Variants in KCNJ6 observed in about 807,000 individuals in gnomAD.
The protein encoded by KCNJ6 is potassium inwardly rectifying channel subfamily J member 6.
In KCNJ6, 9 loss-of-function variants were observed where a neutral mutation model predicts 34.2. That is an observed-to-expected ratio of 0.26 (90% CI 0.16 to 0.46). The LOEUF (loss-of-function observed/expected upper bound fraction) is 0.46, where lower values mean the gene tolerates loss of function less well. Among genes scored for constraint, KCNJ6 ranks in the 20% least tolerant of loss-of-function variants. KCNJ6 has a pLI of 1.00. For synonymous variants in KCNJ6, 196 were observed against 207.1 expected (o/e 0.95, Z 0.46); for missense variants, 236 against 531.3 (o/e 0.44, Z 5.46).
In KCNJ6 at chr21:37,714,812, T is replaced by C. The variant is rs773044664; in HGVS notation, c.345A>G (p.Ala115=). 17 of 1,614,052 alleles carry C rather than the reference T, an allele frequency of 1.1e-5. No individual in the cohort carries two copies. In the East Asian group the frequency reaches 1.6e-4, roughly 15 times the overall value. ...TGTGGTCCATGTCTCCCCGTATGTA[T>C]GCGATCAACCACCAGATCATTCCAA... ...LFFGMIWWLI[A]YIRGDMDHIE... The change falls in exon 3 of 4, where the codon GCA becomes GCG. Residue 115 remains alanine (A), a synonymous_variant. Coordinates refer to ENST00000609713, the MANE Select transcript of KCNJ6 (RefSeq NM_002240.5). This position sits in a 1 kb window ranked among gnomAD's most constrained non-coding sequence, Gnocchi z 5.9.
rs181658946 is a variant in KCNJ6 at position 37,646,555 on chromosome 21, G to A, written c.947-21071C>T. ...CACTGTTTTCCCTCTAGGGAGGGTTGGCATGTTCCAGTTCCAGCAGCCGGT... is the reference window on the plus strand; with the variant it reads ...CACTGTTTTCCCTCTAGGGAGGGTTAGCATGTTCCAGTTCCAGCAGCCGGT... On this transcript the variant is annotated intron_variant, in intron 3 of 3. Coordinates refer to ENST00000609713, the MANE Select transcript of KCNJ6 (RefSeq NM_002240.5). Among the ~76,000 whole-genome samples the A allele has an allele frequency of 3.1e-3, 478 of 152,304 alleles. 4 individuals are homozygous for A. Among genetic ancestry groups the A allele is most frequent in the African/African-American group, 0.01 (422 of 41,560 alleles).
chr21:37,714,157 C>T lies in KCNJ6; in HGVS notation c.946+54G>A. 3 of 1,219,610 alleles carry T rather than the reference C, an allele frequency of 2.5e-6. No individual in the cohort carries two copies. The highest frequency in any genetic ancestry group is 3.6e-6 in the Non-Finnish European group (3 of 844,442). 75.5% of individuals were successfully genotyped at this position (1,219,610 alleles called of 1,614,324 possible). On this transcript the variant is annotated intron_variant, in intron 3 of 3. Transcript: ENST00000609713. The surrounding 1 kb of genome is among the most constrained non-coding windows in gnomAD (Gnocchi z 5.9). The stretch of plus-strand genomic sequence containing the variant: ...TTGTAATAGATAAGAACATCAGGTC[C>T]AGTTTAAAATGAGCATCTATCCCAC...
rs762391292 is a variant in KCNJ6 at position 37,625,518 on chromosome 21, T to C, written c.947-34A>G. On this transcript the variant is annotated intron_variant, in intron 3 of 3. Transcript: ENST00000609713. ...AGAAGAATGGAGGCTTTAGCATATG[T>C]AAGTGTGGGCTTTCCATGGCCAAGG... 4 of 1,535,248 alleles carry C rather than the reference T, an allele frequency of 2.6e-6. No individual in the cohort carries two copies. In the Admixed American group the frequency reaches 5.3e-5, roughly 20 times the overall value.
chr21:37,827,759 ATC>A (rs924886669), intron 2 of KCNJ6, among the ~76,000 whole-genome samples: 2 of 152,258 alleles, frequency 1.3e-5, no homozygotes, highest in East Asian at 1.9e-4. Context: ...TGAATATATT[ATC>A]TCTCTCTCAG....
At chr21:37,769,439 AT>A (rs2055107374) in intron 2 of KCNJ6, among the ~76,000 whole-genome samples, 1 of 149,644 alleles carries the variant, frequency 6.7e-6, no homozygotes, top group Non-Finnish European at 1.5e-5. Flanking sequence ...TATTATTATT[AT>A]TATTACTATA....
intron 2 of KCNJ6, among the ~76,000 whole-genome samples, chr21:37,829,896 A>G (rs1054565865): frequency 2.0e-5 from 3 of 152,210 alleles, no homozygotes; most frequent in African/African-American, 7.2e-5. Context: ...AAAATGAGTG[A>G]GAAAAATTAT....
At chr21:37,840,762 T>C in intron 1 of KCNJ6, 53 bp from the exon 2 acceptor site, 1 of 953,928 alleles carries the variant, frequency 1.0e-6, no homozygotes, top group Non-Finnish European at 1.6e-6. Context: ...TAGATATGAA[T>C]TGATCTAATT....
At chr21:37,780,046 T>A (rs1248259464) in intron 2 of KCNJ6, among the ~76,000 whole-genome samples, 2 of 152,146 alleles carry the variant, frequency 1.3e-5, no homozygotes, top group Non-Finnish European at 2.9e-5. Flanking sequence ...TCTGCCTATT[T>A]GAGGTTGGGA....
chr21:37,729,687 G>C (rs2054874193), intron 2 of KCNJ6, among the ~76,000 whole-genome samples: 1 of 152,222 alleles, frequency 6.6e-6, no homozygotes, highest in African/African-American at 2.4e-5. Context: ...GAACCATTAA[G>C]AACCTGTCAT....
At chr21:37,900,292 G>T (rs1156441479) in intron 1 of KCNJ6, among the ~76,000 whole-genome samples, 1 of 152,146 alleles carries the variant, frequency 6.6e-6, no homozygotes, top group Non-Finnish European at 1.5e-5. Context: ...CAACCCAAAT[G>T]TCCAAAATAT....
intron 2 of KCNJ6, among the ~76,000 whole-genome samples, chr21:37,723,054 C>T (rs1328569627): frequency 6.6e-6 from 1 of 152,070 alleles, no homozygotes; most frequent in Non-Finnish European, 1.5e-5. Flanking sequence ...GGTGTAATAT[C>T]CAAAATCTAA....
At chr21:37,676,182 G>A (rs2054563903) in intron 3 of KCNJ6, among the ~76,000 whole-genome samples, 1 of 152,234 alleles carries the variant, frequency 6.6e-6, no homozygotes, top group African/African-American at 2.4e-5. Flanking sequence ...AGTGCAGAAA[G>A]GGAGGTGGCA....
chr21:37,893,894 A>C (rs542450283), intron 1 of KCNJ6, among the ~76,000 whole-genome samples: 1 of 152,226 alleles, frequency 6.6e-6, no homozygotes, highest in Non-Finnish European at 1.5e-5. Flanking sequence ...ACCCAGAGCA[A>C]TGTCAAAAAT....
intron 3 of KCNJ6, among the ~76,000 whole-genome samples, chr21:37,697,272 G>A (rs1450138187): frequency 1.3e-5 from 2 of 152,220 alleles, no homozygotes; most frequent in East Asian, 1.9e-4. Flanking sequence ...CTGGTTTGAG[G>A]AGGGAGCACA....
chr21:37,740,891 C>G (rs2054937996), intron 2 of KCNJ6, among the ~76,000 whole-genome samples: 1 of 152,246 alleles, frequency 6.6e-6, no homozygotes, highest in Non-Finnish European at 1.5e-5. Flanking sequence ...AACACTCCAG[C>G]TTTTGCCTTT....
intron 2 of KCNJ6, among the ~76,000 whole-genome samples, chr21:37,823,138 C>T (rs548842544): frequency 1.5e-4 from 23 of 152,132 alleles, no homozygotes; most frequent in Admixed American, 6.5e-4. Flanking sequence ...GCCCCCAGCC[C>T]CAGTCTGCAG....
intron 3 of KCNJ6, among the ~76,000 whole-genome samples, chr21:37,656,046 A>G (rs2054462402): frequency 6.6e-6 from 1 of 152,154 alleles, no homozygotes; most frequent in Admixed American, 6.5e-5. Flanking sequence ...TTGCATCACC[A>G]TGGTGCTGCC....
intron 3 of KCNJ6, among the ~76,000 whole-genome samples, chr21:37,708,376 A>C (rs1402361161): frequency 6.6e-6 from 1 of 152,158 alleles, no homozygotes; most frequent in Non-Finnish European, 1.5e-5. Flanking sequence ...GATTATAGAG[A>C]GTTTACCATA....
chr21:37,859,040 G>A (rs1455711927), intron 1 of KCNJ6, among the ~76,000 whole-genome samples: 4 of 152,072 alleles, frequency 2.6e-5, no homozygotes, highest in African/African-American at 4.8e-5. Context: ...TCATTCTACC[G>A]AATTTACAAA....
Sources: allele counts gnomAD v4.1 joint callset (sites outside exome capture counted in the v4.1 genomes callset), GRCh38; gene constraint gnomAD v4.1.1; non-coding constraint Gnocchi (gnomAD v3.1); transcripts MANE v1.5; gene names NCBI Gene and HGNC (gene_info 2026-07-23, HGNC 2026-07-21).